RALYL: variants seen among roughly 807,000 people sequenced by gnomAD.
The protein encoded by RALYL is RNA-binding Raly-like protein.
A neutral mutation model predicts 35.1 loss-of-function variants in RALYL; 29 were observed. The ratio of observed to expected loss-of-function variants is 0.83; its 90% CI spans 0.61 to 1.13. RALYL has a LOEUF of 1.13. Among genes scored for constraint, RALYL ranks in the 50% most tolerant of loss-of-function variants. The pLI is 0.00. For missense variants in RALYL, 359 were observed against 360.4 expected (o/e 1.00, Z 0.03); for synonymous variants, 120 against 127.6 (o/e 0.94, Z 0.40).
chr8:84,919,602 T>C (rs983916529), intron 8 of RALYL, among the ~76,000 whole-genome samples: 1 of 151,860 alleles, frequency 6.6e-6, no homozygotes, highest in Non-Finnish European at 1.5e-5. Context: ...GTGTACAGTA[T>C]GAATTGGGTA....
chr8:84,445,624 C>T (rs1389938174), intron 1 of RALYL, among the ~76,000 whole-genome samples: 9 of 151,498 alleles, frequency 5.9e-5, no homozygotes, highest in Non-Finnish European at 1.3e-4. Context: ...AATACTGATA[C>T]TTAATAATAA....
chr8:84,762,096 T>C (rs2133378072), intron 2 of RALYL, among the ~76,000 whole-genome samples: 1 of 151,864 alleles, frequency 6.6e-6, no homozygotes, highest in East Asian at 1.9e-4. Context: ...GAGACCAGAA[T>C]AGCTAAAGAG....
chr8:84,472,684 A>C (rs2052924970), intron 1 of RALYL, among the ~76,000 whole-genome samples: 1 of 152,100 alleles, frequency 6.6e-6, no homozygotes, highest in Non-Finnish European at 1.5e-5. Flanking sequence ...ATGTAAACTC[A>C]AGCCTGAAAA....
intron 1 of RALYL, among the ~76,000 whole-genome samples, chr8:84,415,867 C>T (rs1455783078): frequency 6.6e-6 from 1 of 152,284 alleles, no homozygotes; most frequent in East Asian, 1.9e-4. Flanking sequence ...CACAAATCCT[C>T]TTCATTCAAT....
chr8:84,278,907 G>A (rs969356724), intron 1 of RALYL, among the ~76,000 whole-genome samples: 24 of 152,136 alleles, frequency 1.6e-4, no homozygotes, highest in Admixed American at 1.0e-3. Flanking sequence ...CTGTTACCCA[G>A]TTCCAAAGTT....
intron 2 of RALYL, among the ~76,000 whole-genome samples, chr8:84,682,338 G>A (rs1835734604): frequency 6.6e-6 from 1 of 152,118 alleles, no homozygotes; most frequent in African/African-American, 2.4e-5. Flanking sequence ...TTGGTATCAG[G>A]ATGATGCTGG....
At chr8:84,818,525 G>A (rs1032988304) in intron 4 of RALYL, among the ~76,000 whole-genome samples, 4 of 152,270 alleles carry the variant, frequency 2.6e-5, no homozygotes, top group South Asian at 2.1e-4. Flanking sequence ...CATACCCCAC[G>A]TATCAGACAT....
intron 6 of RALYL, among the ~76,000 whole-genome samples, chr8:84,867,454 G>A (rs906039002): frequency 6.6e-6 from 1 of 152,008 alleles, no homozygotes; most frequent in African/African-American, 2.4e-5. Context: ...TTTACTTTTT[G>A]TCATACATTT....
intron 1 of RALYL, among the ~76,000 whole-genome samples, chr8:84,460,202 G>A (rs892232258): frequency 4.0e-5 from 6 of 151,554 alleles, no homozygotes; most frequent in African/African-American, 1.2e-4. Flanking sequence ...AACTGAGGAG[G>A]GTTTAAATAA....
intron 4 of RALYL, among the ~76,000 whole-genome samples, chr8:84,827,024 T>C (rs554769861): frequency 7.8e-4 from 118 of 152,154 alleles, no homozygotes; most frequent in African/African-American, 2.7e-3. Context: ...CATTTAAAAG[T>C]ATTACTTAAA....
intron 1 of RALYL, among the ~76,000 whole-genome samples, chr8:84,250,824 A>T (rs183991684): frequency 1.7e-4 from 26 of 152,188 alleles, no homozygotes; most frequent in African/African-American, 6.0e-4. Context: ...TGTAATGAAT[A>T]AAAAAAGAGA....
chr8:84,253,513 T>G (rs1269507194), intron 1 of RALYL, among the ~76,000 whole-genome samples: 2 of 151,932 alleles, frequency 1.3e-5, no homozygotes, highest in Non-Finnish European at 2.9e-5. Context: ...TAGTCTCATT[T>G]TACTTTATTT....
chr8:84,516,238 G>A (rs1280112936), intron 1 of RALYL, among the ~76,000 whole-genome samples: 1 of 121,976 alleles, frequency 8.2e-6, no homozygotes, highest in African/African-American at 3.1e-5. Context: ...GTTAAAATGT[G>A]TATGACATAT....
intron 2 of RALYL, among the ~76,000 whole-genome samples, chr8:84,625,035 T>C (rs1487737784): frequency 6.6e-6 from 1 of 152,222 alleles, no homozygotes; most frequent in Admixed American, 6.5e-5. Context: ...TTGAATAGTG[T>C]TACAGTATAT....
At chr8:84,315,226 T>C (rs73306932) in intron 1 of RALYL, among the ~76,000 whole-genome samples, 3,096 of 152,304 alleles carry the variant, frequency 0.02, 115 homozygotes, top group African/African-American at 0.07. Flanking sequence ...TATTCCCATA[T>C]ATATAAGTGA....
chr8:84,428,830 G>A (rs955451310), intron 1 of RALYL, among the ~76,000 whole-genome samples: 3 of 152,048 alleles, frequency 2.0e-5, no homozygotes, highest in African/African-American at 7.2e-5. Flanking sequence ...GACCAACTTG[G>A]CATTCAATGT....
intron 1 of RALYL, among the ~76,000 whole-genome samples, chr8:84,214,183 A>G (rs989653593): frequency 2.0e-5 from 3 of 152,124 alleles, no homozygotes; most frequent in African/African-American, 7.2e-5. Flanking sequence ...CCTTGGGTGG[A>G]AAAGATAAGA....
chr8:84,234,461 A>T (rs577596201), intron 1 of RALYL, among the ~76,000 whole-genome samples: 2 of 152,300 alleles, frequency 1.3e-5, no homozygotes, highest in East Asian at 3.9e-4. Context: ...CCAGGATACA[A>T]TGTGATATAA....
At chr8:84,871,055 CA>C (rs1398553924) in intron 6 of RALYL, among the ~76,000 whole-genome samples, 1 of 152,148 alleles carries the variant, frequency 6.6e-6, no homozygotes, top group Non-Finnish European at 1.5e-5. Context: ...CTCACTTTAA[CA>C]TTTCCTGGTA....
Sources: gnomAD v4.1 joint callset for allele counts (sites outside exome capture counted in the v4.1 genomes callset) on GRCh38, gnomAD v4.1.1 for gene constraint, MANE v1.5 for transcripts, NCBI Gene and HGNC (gene_info 2026-07-23, HGNC 2026-07-21) for gene names.